The following NRAP variants were observed in gnomAD, a reference collection of about 807,000 sequenced individuals.
NRAP encodes nebulin-related-anchoring protein.
A neutral mutation model predicts 225.9 loss-of-function variants in NRAP; 189 were observed. The observed-to-expected ratio is 0.84, with a 90% CI of 0.74 to 0.94. NRAP has a LOEUF of 0.94. Among genes scored for constraint, NRAP ranks in the 40% least tolerant of loss-of-function variants. NRAP has a pLI of 0.00. For synonymous variants in NRAP, 769 were observed against 790.7 expected (o/e 0.97, Z 0.46); for missense variants, 2,176 against 2,168.7 (o/e 1.00, Z -0.07).
intron 11 of NRAP, among the ~76,000 whole-genome samples, chr10:113,644,566 G>A (rs1358006784): frequency 6.6e-6 from 1 of 152,224 alleles, no homozygotes; most frequent in Non-Finnish European, 1.5e-5. Context: ...TGAGGTTGTA[G>A]TGTGTTGACC....
At chr10:113,638,742 A>AAAC (rs1242720344) in intron 14 of NRAP, among the ~76,000 whole-genome samples, 8 of 152,272 alleles carry the variant, frequency 5.3e-5, no homozygotes, top group South Asian at 2.1e-4. Context: ...GGTTCAATTA[A>AAAC]AACAACAACA....
chr10:113,661,957 T>A (rs1352446049), intron 3 of NRAP, among the ~76,000 whole-genome samples: 3 of 152,240 alleles, frequency 2.0e-5, no homozygotes, highest in Admixed American at 2.0e-4. Context: ...AGCATTGTTT[T>A]ATGTATTAAG....
Position 113,611,346 on chromosome 10 carries a change from C to T in NRAP, c.3499-783G>A, listed in dbSNP as rs762972985. Reference sequence around the variant, plus strand: ...ACCCAGATCTGAGTGCCGCTCAGATCGCAGGCACTGCCAAACCAGGAAAGA... The same window carrying T: ...ACCCAGATCTGAGTGCCGCTCAGATTGCAGGCACTGCCAAACCAGGAAAGA... On this transcript the variant is annotated intron_variant, in intron 30 of 41. Coordinates refer to ENST00000359988, the MANE Select transcript of NRAP (RefSeq NM_198060.4). Among the ~76,000 whole-genome samples the T allele has an allele frequency of 3.3e-5, 5 of 152,282 alleles. No individual in the cohort carries two copies. The South Asian group carries it at 6.2e-4, about 19-fold the overall frequency.
At chr10:113,591,218 T>C (rs1845968558) in intron 39 of NRAP, among the ~76,000 whole-genome samples, 1 of 152,224 alleles carries the variant, frequency 6.6e-6, no homozygotes, top group South Asian at 2.1e-4. Context: ...ACTATTGTAA[T>C]TAATACTCCA....
chr10:113,591,096 T>C (rs188624638), intron 39 of NRAP, among the ~76,000 whole-genome samples: 36 of 138,162 alleles, frequency 2.6e-4, no homozygotes, highest in African/African-American at 9.2e-4. Context: ...TCTGATAAAA[T>C]TGGAGAATGA....
At chr10:113,594,808 G>A (rs1846194471) in intron 38 of NRAP, among the ~76,000 whole-genome samples, 1 of 152,224 alleles carries the variant, frequency 6.6e-6, no homozygotes, top group Non-Finnish European at 1.5e-5. Context: ...CACCTCTGGG[G>A]TGAACGGTAG....
At chr10:113,606,330 G>C in intron 32 of NRAP, 48 bp from the exon 33 acceptor site, 2 of 1,218,776 alleles carry the variant, frequency 1.6e-6, no homozygotes, top group Non-Finnish European at 2.4e-6. Flanking sequence ...TAAGTGCTGT[G>C]CATTTCTGCA....
At chr10:113,644,456 G>A (rs1564749181) in intron 11 of NRAP, among the ~76,000 whole-genome samples, 1 of 152,230 alleles carries the variant, frequency 6.6e-6, no homozygotes, top group Admixed American at 6.5e-5. Flanking sequence ...CTCTGCCCTT[G>A]TAGCTCCAAA....
At chr10:113,641,326 C>T in intron 13 of NRAP, 39 bp downstream of exon 13, 1 of 1,231,398 alleles carries the variant, frequency 8.1e-7, no homozygotes, top group Non-Finnish European at 1.2e-6. Flanking sequence ...ATGCCCTGCC[C>T]CACTCCATCC....
chr10:113,631,571 C>A lies in NRAP; in HGVS notation c.1780G>T (p.Ala594Ser). 6.2e-7 allele frequency: 1 copy of A among 1,613,230 alleles called. No homozygotes were observed. Among genetic ancestry groups the A allele is most frequent in the Non-Finnish European group, 8.5e-7 (1 of 1,179,356 alleles). ...AGCCTAGAGTCGGCTGTTCCCATGG[C>A]TTTGCCTTTTGTCTTTTCATATTCT... ...KEEYEKTKGK[A>S]MGTADSRLLH... is the part of the protein sequence containing the mutation. The change falls in exon 18 of 42, where the codon GCC becomes TCC. Residue 594 changes from alanine to serine, a missense_variant. Transcript: ENST00000359988.
intron 36 of NRAP, among the ~76,000 whole-genome samples, chr10:113,597,731 C>T (rs992101802): frequency 1.3e-5 from 2 of 152,178 alleles, no homozygotes; most frequent in African/African-American, 4.8e-5. Flanking sequence ...AACGATTGTA[C>T]AAAATGTATT....
intron 19 of NRAP, 128 bp from the exon 20 acceptor site, chr10:113,629,149 T>C (rs1848439278): frequency 1.4e-6 from 1 of 725,234 alleles, no homozygotes; most frequent in Admixed American, 2.1e-5. Context: ...TGCTCCTTTA[T>C]GGTCAGGCAG....
Position 113,621,927 on chromosome 10 carries a change from G to C in NRAP, c.2711C>G (p.Ala904Gly). The C allele has an allele frequency of 6.2e-7, 1 of 1,614,152 alleles. No individual in the cohort carries two copies. Residue 904 changes from alanine to glycine, a missense_variant, in exon 24 of 42, where the codon GCT becomes GGT. Transcript: ENST00000359988. ...GYKTAEHHFT[A>G]LPTDMKVEWA... Reference sequence around the variant, plus strand: ...TTCCACCTTCATGTCTGTGGGCAAAGCCGTAAAGTGATGTTCCGCTGTCTT... The same window carrying C: ...TTCCACCTTCATGTCTGTGGGCAAACCCGTAAAGTGATGTTCCGCTGTCTT...
intron 26 of NRAP, 40 bp from the exon 27 acceptor site, chr10:113,615,856 A>G (rs770547836): frequency 9.0e-7 from 1 of 1,112,304 alleles, no homozygotes; most frequent in South Asian, 1.3e-5. Flanking sequence ...CCTAGACCCC[A>G]TTCCATGCAG....
chr10:113,630,889 C>T (rs929230711), intron 18 of NRAP, among the ~76,000 whole-genome samples: 1 of 152,172 alleles, frequency 6.6e-6, no homozygotes, highest in Non-Finnish European at 1.5e-5. Flanking sequence ...TCTTTTGTGT[C>T]TTTTTCCCTA....
chr10:113,595,673 C>A lies in NRAP; in HGVS notation c.4486G>T (p.Asp1496Tyr), dbSNP rs545339088. The A allele has an allele frequency of 1.9e-6, 3 of 1,613,854 alleles. No individual in the cohort carries two copies. In the Admixed American group the frequency reaches 5.0e-5, roughly 27 times the overall value. ...ESLHRYTLIP[D>Y]HPDFTRARLN... ...CGAGCTCGGGTGAAATCGGGATGGT[C>A]GGGGATCAGGGTGTATCTGTGCAGG... is the stretch of plus-strand genomic sequence containing the variant. The change falls in exon 38 of 42, where the codon GAC becomes TAC. Residue 1496 changes from aspartate to tyrosine, a missense_variant. Coordinates refer to ENST00000359988, the MANE Select transcript of NRAP (RefSeq NM_198060.4).
chr10:113,636,432 G>A (rs2134066408), intron 14 of NRAP, among the ~76,000 whole-genome samples: 1 of 152,296 alleles, frequency 6.6e-6, no homozygotes, highest in East Asian at 1.9e-4. Flanking sequence ...CCCACCTCAA[G>A]GAGTCTTTGC....
intron 3 of NRAP, among the ~76,000 whole-genome samples, chr10:113,662,059 A>G (rs549379052): frequency 3.9e-5 from 6 of 152,318 alleles, no homozygotes; most frequent in African/African-American, 1.4e-4. Flanking sequence ...TACTGAAATC[A>G]AGGACCTCAA....
intron 26 of NRAP, 49 bp from the exon 27 acceptor site, chr10:113,615,865 A>G: frequency 9.7e-7 from 1 of 1,034,166 alleles, no homozygotes; most frequent in Non-Finnish European, 1.5e-6. Flanking sequence ...CATTCCATGC[A>G]GCCATCAGCC....
Sources: allele counts gnomAD v4.1 joint callset (sites outside exome capture counted in the v4.1 genomes callset), GRCh38; gene constraint gnomAD v4.1.1; transcripts MANE v1.5; gene names NCBI Gene and HGNC (gene_info 2026-07-23, HGNC 2026-07-21).